The following MACROD2 variants were observed in gnomAD, a reference collection of about 807,000 sequenced individuals.
The protein encoded by MACROD2 is mono-ADP ribosylhydrolase 2, also known as ADP-ribose glycohydrolase MACROD2.
In MACROD2, 36 loss-of-function variants were observed where a neutral mutation model predicts 70.4. That is an observed-to-expected ratio of 0.51 (90% CI 0.39 to 0.68). MACROD2 has a LOEUF of 0.68. Among genes scored for constraint, MACROD2 ranks in the 30% least tolerant of loss-of-function variants. The pLI is 0.00. For synonymous variants in MACROD2, 172 were observed against 178.8 expected (o/e 0.96, Z 0.30); for missense variants, 496 against 538.4 (o/e 0.92, Z 0.78).
At chr20:15,833,756 C>T (rs1446692741) in intron 8 of MACROD2, among the ~76,000 whole-genome samples, 1 of 152,148 alleles carries the variant, frequency 6.6e-6, no homozygotes, top group Non-Finnish European at 1.5e-5. Context: ...ATCCCCAATA[C>T]CTAAGGTACA....
intron 5 of MACROD2, among the ~76,000 whole-genome samples, chr20:15,025,669 G>A (rs2075224996): frequency 6.6e-6 from 1 of 152,080 alleles, no homozygotes; most frequent in Non-Finnish European, 1.5e-5. Flanking sequence ...TCTGCACTGT[G>A]GACATTTTGG....
At chr20:15,181,524 G>A (rs1358420064) in intron 5 of MACROD2, among the ~76,000 whole-genome samples, 1 of 152,174 alleles carries the variant, frequency 6.6e-6, no homozygotes, top group Non-Finnish European at 1.5e-5. Context: ...TGGATTAAAT[G>A]TTAAGCAATG....
At chr20:15,511,834 T>C (rs908624032) in intron 8 of MACROD2, among the ~76,000 whole-genome samples, 5 of 152,162 alleles carry the variant, frequency 3.3e-5, no homozygotes, top group Non-Finnish European at 7.3e-5. Flanking sequence ...ACCTGTAAGA[T>C]AAGGTGAAAG....
At chr20:14,772,238 A>G (rs533821985) in intron 5 of MACROD2, among the ~76,000 whole-genome samples, 47 of 151,448 alleles carry the variant, frequency 3.1e-4, no homozygotes, top group African/African-American at 1.1e-3. Flanking sequence ...ACTTTCTTCC[A>G]TTCTTTTATC....
At chr20:14,757,594 T>C in intron 5 of MACROD2, 1 of 1,117,120 alleles carries the variant, frequency 9.0e-7, no homozygotes, top group African/African-American at 1.5e-5. Flanking sequence ...CAGATTGCCA[T>C]TTATGACTCC....
Position 14,929,236 on chromosome 20 carries a change from C to G in MACROD2, c.418+244277C>G, listed in dbSNP as rs767570998. On this transcript the variant is annotated intron_variant, in intron 5 of 17. Coordinates refer to ENST00000684519, the MANE Select transcript of MACROD2 (RefSeq NM_001351661.2). ...TAAGGAATCAGTCCCACAGACTGCT[C>G]CACTTCAGATGGTGATCATAAGCCT... The G allele has an allele frequency of 1.9e-4, 29 of 152,180 alleles. 1 individual carries two copies. Among genetic ancestry groups the G allele is most frequent in the Non-Finnish European group, 4.4e-5 (3 of 68,054 alleles). The allele number at this position is 152,180 out of a possible 1,614,324, so 9.4% of individuals were successfully genotyped here.
chr20:14,266,920 T>A (rs1336746284), intron 3 of MACROD2, among the ~76,000 whole-genome samples: 1 of 152,184 alleles, frequency 6.6e-6, no homozygotes, highest in Non-Finnish European at 1.5e-5. Context: ...TTGTAATCAG[T>A]ATTTTTTAGC....
intron 8 of MACROD2, among the ~76,000 whole-genome samples, chr20:15,550,506 C>T (rs920001363): frequency 6.6e-6 from 1 of 151,924 alleles, no homozygotes; most frequent in Admixed American, 6.6e-5. Context: ...AGTTTGATTC[C>T]GTTACCAGGA....
chr20:14,411,514 C>T (rs757629454), intron 3 of MACROD2, among the ~76,000 whole-genome samples: 3 of 151,992 alleles, frequency 2.0e-5, no homozygotes, highest in African/African-American at 7.3e-5. Flanking sequence ...TTAGACCCTT[C>T]CTGAAGGTCT....
At chr20:15,459,907 C>A (rs1250780840) in intron 7 of MACROD2, among the ~76,000 whole-genome samples, 2 of 151,920 alleles carry the variant, frequency 1.3e-5, no homozygotes, top group African/African-American at 4.8e-5. Flanking sequence ...TTATGAGTTT[C>A]TATCTCTAGC....
At position 15,431,381 on chromosome 20, in the gene MACROD2, GTTATT is replaced by G. The variant is rs2046361733; in HGVS notation, c.541-21_541-17del. The G allele has an allele frequency of 6.3e-7, 1 of 1,596,082 alleles. No homozygotes were observed. The highest frequency in any genetic ancestry group is 8.6e-7 in the Non-Finnish European group (1 of 1,165,368). ...TAGAGTTGTTTCTTTAATATTCATTGTTATTTTTGTGGTTTATTCACAGGCATTTC... is the reference window on the plus strand; with the variant it reads ...TAGAGTTGTTTCTTTAATATTCATTGTTTGTGGTTTATTCACAGGCATTTC... On this transcript the variant is annotated intron_variant, in intron 6 of 17. Transcript: ENST00000684519.
intron 3 of MACROD2, among the ~76,000 whole-genome samples, chr20:14,483,798 A>G (rs2084690273): frequency 6.6e-6 from 1 of 152,162 alleles, no homozygotes; most frequent in South Asian, 2.1e-4. Flanking sequence ...TTCTTACTCT[A>G]ATCTTTTCTA....
chr20:14,848,487 A>C (rs2073165970), intron 5 of MACROD2, among the ~76,000 whole-genome samples: 1 of 151,920 alleles, frequency 6.6e-6, no homozygotes, highest in African/African-American at 2.4e-5. Flanking sequence ...TTTAATTCTC[A>C]CAATATCTGG....
chr20:14,194,322 G>T (rs1360901399), intron 3 of MACROD2, among the ~76,000 whole-genome samples: 3 of 152,136 alleles, frequency 2.0e-5, no homozygotes, highest in African/African-American at 7.2e-5. Flanking sequence ...TTATGTTCCT[G>T]CCCAGCCAAG....
chr20:15,954,403 C>T (rs1220156277), intron 12 of MACROD2, among the ~76,000 whole-genome samples: 1 of 152,132 alleles, frequency 6.6e-6, no homozygotes, highest in Non-Finnish European at 1.5e-5. Flanking sequence ...CTCCACTAAA[C>T]CTCCATCTCA....
chr20:15,099,652 T>A (rs961708416), intron 5 of MACROD2, among the ~76,000 whole-genome samples: 1 of 152,074 alleles, frequency 6.6e-6, no homozygotes, highest in Non-Finnish European at 1.5e-5. Context: ...AACAAACACC[T>A]AAAAATATGG....
intron 5 of MACROD2, among the ~76,000 whole-genome samples, chr20:15,158,739 G>A (rs1478673507): frequency 6.6e-6 from 1 of 152,104 alleles, no homozygotes; most frequent in Non-Finnish European, 1.5e-5. Flanking sequence ...CTACTGGTTT[G>A]TCTGTTTTCC....
At chr20:15,400,373 C>A (rs897278403) in intron 6 of MACROD2, among the ~76,000 whole-genome samples, 1 of 152,128 alleles carries the variant, frequency 6.6e-6, no homozygotes, top group South Asian at 2.1e-4. Flanking sequence ...TCCACTGACC[C>A]CATGACTTAG....
chr20:15,897,593 G>A (rs542170929), intron 10 of MACROD2, among the ~76,000 whole-genome samples: 63 of 150,152 alleles, frequency 4.2e-4, no homozygotes, highest in African/African-American at 1.3e-3. Context: ...GATGCCTTCC[G>A]GTTAATTTTT....
Sources: gnomAD v4.1 joint callset for allele counts (sites outside exome capture counted in the v4.1 genomes callset) on GRCh38, gnomAD v4.1.1 for gene constraint, MANE v1.5 for transcripts, NCBI Gene and HGNC (gene_info 2026-07-23, HGNC 2026-07-21) for gene names.